Variants in BMPR1B observed in about 807,000 individuals in gnomAD.
The protein encoded by BMPR1B is bone morphogenetic protein receptor type-1B.
In BMPR1B, 12 loss-of-function variants were observed where a neutral mutation model predicts 59.1. That is an observed-to-expected ratio of 0.20 (90% CI 0.13 to 0.33). BMPR1B has a LOEUF of 0.33. BMPR1B is among the 10% of genes least tolerant of loss of function. The pLI is 1.00. For synonymous variants in BMPR1B, 237 were observed against 207.3 expected (o/e 1.14, Z -1.23); for missense variants, 550 against 610.9 (o/e 0.90, Z 1.05).
At chr4:95,039,308 T>C (rs1381222744) in intron 3 of BMPR1B, among the ~76,000 whole-genome samples, 3 of 152,158 alleles carry the variant, frequency 2.0e-5, no homozygotes, top group Admixed American at 2.0e-4. Flanking sequence ...AGGCAGAGAA[T>C]GTAGTATCTC....
chr4:94,881,298 C>G (rs1263819273), intron 2 of BMPR1B, among the ~76,000 whole-genome samples: 1 of 152,090 alleles, frequency 6.6e-6, no homozygotes, highest in Non-Finnish European at 1.5e-5. Context: ...ACCTCTCCCC[C>G]ACAAACACAT....
chr4:95,100,244 G>T (rs1360398989), intron 3 of BMPR1B, among the ~76,000 whole-genome samples: 1 of 152,012 alleles, frequency 6.6e-6, no homozygotes, highest in Non-Finnish European at 1.5e-5. Flanking sequence ...AACTTTCTGA[G>T]AAAGATACAT....
At chr4:94,975,839 T>C (rs551594873) in intron 2 of BMPR1B, among the ~76,000 whole-genome samples, 3 of 152,268 alleles carry the variant, frequency 2.0e-5, no homozygotes, top group Non-Finnish European at 4.4e-5. Flanking sequence ...TGTTTTCAGT[T>C]GTTTCTGTGA....
At chr4:95,072,834 A>C (rs996804487) in intron 3 of BMPR1B, among the ~76,000 whole-genome samples, 1 of 152,206 alleles carries the variant, frequency 6.6e-6, no homozygotes, top group Non-Finnish European at 1.5e-5. Context: ...TTAATTAAAA[A>C]TTTTAAAAAA....
intron 3 of BMPR1B, among the ~76,000 whole-genome samples, chr4:95,083,286 TC>T (rs1295890705): frequency 6.6e-6 from 1 of 152,110 alleles, no homozygotes; most frequent in Non-Finnish European, 1.5e-5. Flanking sequence ...GCAAGAACTG[TC>T]CTTATCTGTT....
At chr4:95,062,981 A>G (rs1035403534) in intron 3 of BMPR1B, among the ~76,000 whole-genome samples, 1 of 152,176 alleles carries the variant, frequency 6.6e-6, no homozygotes, top group African/African-American at 2.4e-5. Flanking sequence ...GGCTTTTAAA[A>G]ATCTGCTAAA....
At chr4:94,888,574 T>G (rs1011959) in intron 2 of BMPR1B, among the ~76,000 whole-genome samples, 42,827 of 151,744 alleles carry the variant, frequency 0.28, 7,672 homozygotes, top group African/African-American at 0.51. Context: ...ATTATAAGAG[T>G]TGGGTGCTGA....
intron 2 of BMPR1B, among the ~76,000 whole-genome samples, chr4:94,885,738 C>G (rs1163248386): frequency 6.6e-6 from 1 of 152,066 alleles, no homozygotes; most frequent in South Asian, 2.1e-4. Flanking sequence ...AGAGCTCAAT[C>G]TAATTATTTA....
intron 1 of BMPR1B, among the ~76,000 whole-genome samples, chr4:94,872,219 A>G (rs536707637): frequency 6.6e-6 from 1 of 152,340 alleles, no homozygotes; most frequent in Admixed American, 6.5e-5. Flanking sequence ...TTTGAAGGCA[A>G]AGCCCTAGAG....
At chr4:94,877,277 C>CT (rs1427184892) in intron 2 of BMPR1B, among the ~76,000 whole-genome samples, 1 of 152,138 alleles carries the variant, frequency 6.6e-6, no homozygotes, top group Non-Finnish European at 1.5e-5. Flanking sequence ...AAGTGTGGGG[C>CT]TGGGCATCAG....
At chr4:94,832,820 T>C (rs1208638481) in intron 1 of BMPR1B, among the ~76,000 whole-genome samples, 2 of 151,738 alleles carry the variant, frequency 1.3e-5, no homozygotes, top group Non-Finnish European at 2.9e-5. Context: ...TGCAGTGTAT[T>C]GGGAACATAA....
At chr4:94,987,115 AATATGTATATATG>A (rs1342212188) in intron 2 of BMPR1B, among the ~76,000 whole-genome samples, 1 of 1,152 alleles carries the variant, frequency 8.7e-4, no homozygotes, top group Non-Finnish European at 2.0e-3. Context: ...ATGTATATAT[AATATGTATATATG>A]TATATGTAAT....
chr4:94,873,405 G>A (rs889593646), intron 1 of BMPR1B, among the ~76,000 whole-genome samples: 2 of 143,052 alleles, frequency 1.4e-5, no homozygotes, highest in Non-Finnish European at 3.0e-5. Flanking sequence ...TCAAGGCTAT[G>A]AATTCTTTTT....
chr4:95,050,213 A>G (rs761798535), intron 3 of BMPR1B, among the ~76,000 whole-genome samples: 1 of 152,128 alleles, frequency 6.6e-6, no homozygotes. Flanking sequence ...CTATATACCA[A>G]TCTCTTTTCC....
chr4:94,759,555 T>C (rs1357648187), intron 1 of BMPR1B, among the ~76,000 whole-genome samples: 3 of 152,218 alleles, frequency 2.0e-5, no homozygotes, highest in Admixed American at 6.5e-5. Flanking sequence ...TTTGGGCAAG[T>C]TATGGGAAAT....
At chr4:95,046,684 T>C (rs1726083760) in intron 3 of BMPR1B, among the ~76,000 whole-genome samples, 1 of 152,198 alleles carries the variant, frequency 6.6e-6, no homozygotes, top group Admixed American at 6.5e-5. Flanking sequence ...TCCATAGTGC[T>C]CCTTTTTCCT....
At chr4:94,957,528 G>A (rs1730193162) in intron 2 of BMPR1B, among the ~76,000 whole-genome samples, 4 of 149,754 alleles carry the variant, frequency 2.7e-5, no homozygotes, top group African/African-American at 9.8e-5. Flanking sequence ...TTCTTTCTTT[G>A]TTTCCCTCTT....
chr4:94,968,707 T>C (rs534032803), intron 2 of BMPR1B, among the ~76,000 whole-genome samples: 1 of 152,310 alleles, frequency 6.6e-6, no homozygotes, highest in Non-Finnish European at 1.5e-5. Context: ...TGTTACTCTG[T>C]AACATACTGA....
chr4:94,813,534 G>A (rs1723899738), intron 1 of BMPR1B, among the ~76,000 whole-genome samples: 1 of 152,166 alleles, frequency 6.6e-6, no homozygotes, highest in Non-Finnish European at 1.5e-5. Flanking sequence ...GTCTGAGAGG[G>A]AGATGGAGGG....
Sources: allele counts gnomAD v4.1 joint callset (sites outside exome capture counted in the v4.1 genomes callset), GRCh38; gene constraint gnomAD v4.1.1; transcripts MANE v1.5; gene names NCBI Gene and HGNC (gene_info 2026-07-23, HGNC 2026-07-21).